The following RASGEF1A variants were observed in gnomAD, a reference collection of about 807,000 sequenced individuals.
The protein encoded by RASGEF1A is ras-GEF domain-containing family member 1A.
RASGEF1A carries 18 observed loss-of-function variants against 56.4 expected under a neutral mutation model. That is an observed-to-expected ratio of 0.32 (90% confidence interval 0.22 to 0.47). The LOEUF is 0.47. RASGEF1A is among the 20% of genes least tolerant of loss of function. The pLI is 1.00. For synonymous variants in RASGEF1A, 245 were observed against 242.6 expected (o/e 1.01, Z -0.09); for missense variants, 422 against 627.1 (o/e 0.67, Z 3.49).
chr10:43,250,447 TAA>T lies in RASGEF1A; in HGVS notation c.-7+16396_-7+16397del, dbSNP rs1840615398. ...TGCCAATTCCGCCTGTTGCTTGACA[TAA>T]GTCACTCTCAGAAAGTGCCCCACCC... On this transcript the variant is annotated intron_variant, in intron 1 of 12. Transcript: ENST00000395810. Among the ~76,000 whole-genome samples, 3 of 152,310 alleles carry T rather than the reference TAA, an allele frequency of 2.0e-5. No individual in the cohort carries two copies. In the South Asian group the frequency reaches 6.2e-4, roughly 32 times the overall value.
intron 1 of RASGEF1A, among the ~76,000 whole-genome samples, chr10:43,256,078 G>A (rs1186805913): frequency 1.3e-5 from 2 of 152,196 alleles, no homozygotes; most frequent in African/African-American, 4.8e-5. Flanking sequence ...CAGCCTAGGG[G>A]GAGCACTGTG....
intron 1 of RASGEF1A, among the ~76,000 whole-genome samples, chr10:43,231,935 C>T (rs1229420977): frequency 6.6e-6 from 1 of 152,218 alleles, no homozygotes; most frequent in East Asian, 1.9e-4. Flanking sequence ...TCAGGGAGAC[C>T]AGACACACAG....
At chr10:43,227,204 C>T (rs1210905966) in intron 1 of RASGEF1A, among the ~76,000 whole-genome samples, 1 of 152,200 alleles carries the variant, frequency 6.6e-6, no homozygotes, top group East Asian at 1.9e-4. Context: ...GAGATGCAGG[C>T]AGCTTCCCCT....
intron 1 of RASGEF1A, among the ~76,000 whole-genome samples, chr10:43,226,118 C>T (rs1840277367): frequency 1.3e-5 from 2 of 152,202 alleles, no homozygotes; most frequent in Admixed American, 6.5e-5. Context: ...GGCCGCAGGG[C>T]CAGGGCCCAG....
intron 1 of RASGEF1A, among the ~76,000 whole-genome samples, chr10:43,229,966 G>A (rs562226089): frequency 1.3e-5 from 2 of 152,068 alleles, no homozygotes; most frequent in South Asian, 4.1e-4. Context: ...CCTGGGCCGG[G>A]CGCGCGCCTG....
intron 1 of RASGEF1A, among the ~76,000 whole-genome samples, chr10:43,223,969 A>C (rs371741700): frequency 6.6e-6 from 1 of 152,198 alleles, no homozygotes. Flanking sequence ...CAACTACCTA[A>C]ATCTGTGGTA....
intron 1 of RASGEF1A, among the ~76,000 whole-genome samples, chr10:43,215,576 G>C (rs1007431087): frequency 6.6e-6 from 1 of 152,222 alleles, no homozygotes; most frequent in Non-Finnish European, 1.5e-5. Context: ...CGCCCTTCAA[G>C]GGATAACCGG....
intron 4 of RASGEF1A, 70 bp downstream of exon 4, chr10:43,201,738 C>G: frequency 7.0e-7 from 1 of 1,427,604 alleles, no homozygotes. Context: ...GTCCCCGAAG[C>G]CCCCACCCTC....
intron 3 of RASGEF1A, among the ~76,000 whole-genome samples, chr10:43,202,858 C>G (rs1404585208): frequency 1.3e-5 from 2 of 151,590 alleles, no homozygotes; most frequent in Non-Finnish European, 2.9e-5. Flanking sequence ...GCCCCACAGC[C>G]CCAGCCAGGC....
rs552977168 is a variant in RASGEF1A, at chr10:43,265,020, A to C, written c.-7+1825T>G. Among the ~76,000 whole-genome samples, 15 of 152,220 alleles carry C rather than the reference A, an allele frequency of 9.9e-5. 1 individual carries two copies. In the South Asian group the frequency reaches 1.4e-3, roughly 15 times the overall value. On this transcript the variant is annotated intron_variant, in intron 1 of 12. Coordinates refer to ENST00000395810, the MANE Select transcript of RASGEF1A (RefSeq NM_145313.4). ...GGCGTGCTCAGGGGCTCCTGGCCAC[A>C]CTGTGTCCCAGTGCCCACTCGCTCT... is the stretch of plus-strand genomic sequence containing the variant.
intron 1 of RASGEF1A, among the ~76,000 whole-genome samples, chr10:43,257,210 T>C (rs1030803765): frequency 2.0e-5 from 3 of 152,220 alleles, no homozygotes; most frequent in African/African-American, 7.2e-5. Flanking sequence ...GGAGGAGCCA[T>C]GAGGCCTGGG....
chr10:43,248,493 C>A (rs1036266445), intron 1 of RASGEF1A, among the ~76,000 whole-genome samples: 6 of 151,686 alleles, frequency 4.0e-5, no homozygotes, highest in Non-Finnish European at 8.8e-5. Context: ...TTATATATTT[C>A]AATTTCTTAG....
intron 1 of RASGEF1A, among the ~76,000 whole-genome samples, chr10:43,219,397 T>C (rs892848364): frequency 2.0e-5 from 3 of 152,112 alleles, no homozygotes; most frequent in African/African-American, 7.2e-5. Flanking sequence ...TGGGAAGCAG[T>C]GTGCAGATTC....
intron 1 of RASGEF1A, among the ~76,000 whole-genome samples, chr10:43,223,793 G>T (rs1041962346): frequency 2.6e-5 from 4 of 151,954 alleles, no homozygotes; most frequent in Admixed American, 1.3e-4. Context: ...CACTTTGGGG[G>T]GCTCTAGTGA....
intron 1 of RASGEF1A, among the ~76,000 whole-genome samples, chr10:43,252,749 G>A (rs543971045): frequency 5.3e-5 from 8 of 152,178 alleles, no homozygotes; most frequent in African/African-American, 1.4e-4. Flanking sequence ...GACTCCCACT[G>A]GCAATAGAGC....
At chr10:43,207,391 A>AACACACACACACACACACACACACAC (rs3071764) in intron 1 of RASGEF1A, 1 of 802,606 alleles carries the variant, frequency 1.2e-6, no homozygotes, top group African/African-American at 2.2e-5. Flanking sequence ...CCCCCACGTC[A>AACACACACACACACACACACACACAC]ACACACACAC....
chr10:43,232,808 G>GT (rs1158867902), intron 1 of RASGEF1A, among the ~76,000 whole-genome samples: 4 of 152,156 alleles, frequency 2.6e-5, no homozygotes, highest in Non-Finnish European at 5.9e-5. Flanking sequence ...TTATAGCAGT[G>GT]TGAGAACAGA....
At chr10:43,231,409 C>A (rs1840365672) in intron 1 of RASGEF1A, among the ~76,000 whole-genome samples, 1 of 152,218 alleles carries the variant, frequency 6.6e-6, no homozygotes, top group African/African-American at 2.4e-5. Context: ...CCAGTGTTGT[C>A]TCAGGAAGTC....
intron 2 of RASGEF1A, among the ~76,000 whole-genome samples, chr10:43,204,771 ACCGCCAAGGTGG>A (rs963626767): frequency 3.0e-4 from 46 of 152,270 alleles, no homozygotes; most frequent in African/African-American, 1.1e-3. Context: ...ACACTGGGTG[ACCGCCAAGGTGG>A]CTCCTCTGGG....
Sources: allele counts gnomAD v4.1 joint callset (sites outside exome capture counted in the v4.1 genomes callset), GRCh38; gene constraint gnomAD v4.1.1; transcripts MANE v1.5; gene names NCBI Gene and HGNC (gene_info 2026-07-23, HGNC 2026-07-21).